The following IQSEC3 variants were observed in gnomAD, a reference collection of about 807,000 sequenced individuals.
IQSEC3 encodes IQ motif and SEC7 domain-containing protein 3.
Under a neutral mutation model 105.4 loss-of-function variants are expected in IQSEC3, and 50 were observed. That is an observed-to-expected ratio of 0.47 (90% CI 0.38 to 0.60). The LOEUF (loss-of-function observed/expected upper bound fraction) is 0.60. Ranked by LOEUF, IQSEC3 falls within the 20% of genes least tolerant of loss-of-function variation. The pLI is 0.00. For synonymous variants in IQSEC3, 708 were observed against 746.0 expected (o/e 0.95, Z 0.83); for missense variants, 1,415 against 1,630.0 (o/e 0.87, Z 2.27).
chr12:108,368 G>A (rs1555078597), intron 2 of IQSEC3, among the ~76,000 whole-genome samples: 2 of 152,354 alleles, frequency 1.3e-5, no homozygotes, highest in East Asian at 3.9e-4. Flanking sequence ...GCTTGGTTAA[G>A]AGCATGTAAT....
intron 1 of IQSEC3, among the ~76,000 whole-genome samples, chr12:82,540 G>A (rs1555070951): frequency 6.6e-6 from 1 of 152,144 alleles, no homozygotes; most frequent in African/African-American, 2.4e-5. Context: ...AACTACACAT[G>A]CTGACCGTCC....
At chr12:155,897 T>C (rs782704791) in intron 5 of IQSEC3, among the ~76,000 whole-genome samples, 14 of 151,826 alleles carry the variant, frequency 9.2e-5, no homozygotes, top group Non-Finnish European at 1.8e-4. Context: ...AAACGTCAGC[T>C]CCAAGAGCCC....
chr12:148,686 G>A (rs1866382169), intron 5 of IQSEC3: 1 of 152,170 alleles, frequency 6.6e-6, no homozygotes, highest in African/African-American at 2.4e-5. Context: ...CTGGAGGATG[G>A]GGATATTTTT....
intron 5 of IQSEC3, among the ~76,000 whole-genome samples, chr12:149,842 AG>A (rs1158777602): frequency 3.9e-5 from 6 of 152,120 alleles, no homozygotes; most frequent in African/African-American, 9.6e-5. Context: ...GCCAGGCTGC[AG>A]GGGGGGACCA....
chr12:76,144 G>A (rs1299703081), intron 1 of IQSEC3, among the ~76,000 whole-genome samples: 1 of 152,058 alleles, frequency 6.6e-6, no homozygotes, highest in African/African-American at 2.4e-5. Flanking sequence ...GGCCTCAGCA[G>A]GTGGAGTGAG....
At chr12:170,542 G>C (rs1398009716) in intron 12 of IQSEC3, among the ~76,000 whole-genome samples, 3 of 152,250 alleles carry the variant, frequency 2.0e-5, no homozygotes, top group Admixed American at 6.5e-5. Context: ...AGCTGGGAGT[G>C]ACTCAGCCAC....
At chr12:103,467 CGGGGCTCAGG>C (rs1864497603) in intron 2 of IQSEC3, among the ~76,000 whole-genome samples, 2 of 37,542 alleles carry the variant, frequency 5.3e-5, no homozygotes, top group Non-Finnish European at 1.0e-4. Flanking sequence ...GCAGGAGAGG[CGGGGCTCAGG>C]AGGGGAGGCG....
chr12:165,402 T>G, intron 9 of IQSEC3, 32 bp from the exon 10 acceptor site: 3 of 1,543,558 alleles, frequency 1.9e-6, no homozygotes, highest in Non-Finnish European at 2.7e-6. Flanking sequence ...TGTCTGTTCA[T>G]CAGGGCATGC....
chr12:156,404 G>C (rs559282693), intron 5 of IQSEC3, among the ~76,000 whole-genome samples: 1 of 151,778 alleles, frequency 6.6e-6, no homozygotes, highest in Non-Finnish European at 1.5e-5. Context: ...AGGCACATTT[G>C]TCATTTACTC....
rs1171668717 is a variant in IQSEC3, at chr12:177,727, A to C, written c.*2694A>C. On this transcript the variant is annotated 3_prime_UTR_variant, in exon 14 of 14. Coordinates refer to ENST00000538872, the MANE Select transcript of IQSEC3 (RefSeq NM_001170738.2). The surrounding 1 kb of genome is among the most constrained non-coding windows in gnomAD (Gnocchi z 5.3). Reference sequence around the variant, plus strand: ...CCTTCCCTGCTCAGTCCCCAGGCCAAGGTTGGGACCCCTCTCCATCCCTGT... The same window carrying C: ...CCTTCCCTGCTCAGTCCCCAGGCCACGGTTGGGACCCCTCTCCATCCCTGT... 1 of 152,446 alleles carries C rather than the reference A, an allele frequency of 6.6e-6. No homozygotes were observed. The highest frequency in any genetic ancestry group is 6.5e-5 in the Admixed American group (1 of 15,290). 9.4% of individuals were successfully genotyped at this position (152,446 alleles called of 1,614,324 possible). A position where few individuals can be genotyped will look rare whatever the true frequency, so the allele number is the denominator to read the frequency against.
At chr12:129,840 A>G (rs868986478) in intron 3 of IQSEC3, among the ~76,000 whole-genome samples, 2 of 151,922 alleles carry the variant, frequency 1.3e-5, no homozygotes, top group Non-Finnish European at 2.9e-5. Context: ...AGATCCCCAT[A>G]CCCCAAGCCT....
At chr12:99,092 G>A in intron 1 of IQSEC3, 54 bp from the exon 2 acceptor site, 6 of 1,519,406 alleles carry the variant, frequency 3.9e-6, no homozygotes, top group Non-Finnish European at 4.5e-6. Context: ...TGTCAGGCAG[G>A]GCGGGGACCC....
intron 9 of IQSEC3, among the ~76,000 whole-genome samples, chr12:164,995 T>C (rs1867098883): frequency 6.6e-6 from 1 of 152,208 alleles, no homozygotes; most frequent in Admixed American, 6.5e-5. Context: ...GGAAGGCATC[T>C]CTAAGGAGGT....
intron 11 of IQSEC3, 96 bp downstream of exon 11, chr12:165,986 G>A (rs1867157491): frequency 7.0e-7 from 1 of 1,429,402 alleles, no homozygotes; most frequent in African/African-American, 1.4e-5. Flanking sequence ...CAGGGAGCTG[G>A]CCCCACTTCG....
At chr12:153,795 C>T (rs534514759) in intron 5 of IQSEC3, among the ~76,000 whole-genome samples, 9 of 152,160 alleles carry the variant, frequency 5.9e-5, no homozygotes, top group Non-Finnish European at 1.2e-4. Flanking sequence ...TGCCTGGTGG[C>T]CTGTGAGTTG....
At position 157,624 on chromosome 12, in the gene IQSEC3, C is replaced by T. The variant is rs139974120; in HGVS notation, c.2373C>T (p.Thr791=). The T allele has an allele frequency of 7.9e-5, 128 of 1,614,232 alleles. No homozygotes were observed. In the African/African-American group the frequency reaches 1.4e-3, roughly 18 times the overall value. ...CCTTCGCCATCATCCTCCTCAACAC[C>T]GACATGTACAGCCCCAACATCAAGC... ...ILAFAIILLN[T]DMYSPNIKPD... The change falls in exon 7 of 14, where the codon ACC becomes ACT. Residue 791 remains threonine (T), a synonymous_variant. Coordinates refer to ENST00000538872, the MANE Select transcript of IQSEC3 (RefSeq NM_001170738.2).
intron 1 of IQSEC3, among the ~76,000 whole-genome samples, chr12:72,025 G>A (rs1430384492): frequency 6.6e-6 from 1 of 152,266 alleles, no homozygotes; most frequent in East Asian, 1.9e-4. Context: ...CAAAAATAAT[G>A]CATTTAAGAG....
rs782369455 is a variant in IQSEC3, at chr12:138,784, C to T, written c.1421C>T (p.Pro474Leu). The part of the protein sequence containing the change: ...GDDAAETPGL[P>L]PAHSGTLMMA... ...GACGCCGCGGAGACCCCCGGCCTGC[C>T]CCCGGCCCACAGCGGGACCCTCATG... Residue 474 changes from proline (P) to leucine (L), a missense_variant, in exon 4 of 14, where the codon CCC becomes CTC. By Grantham distance (98) the Pro-to-Leu change is moderately conservative. Coordinates refer to ENST00000538872, the MANE Select transcript of IQSEC3 (RefSeq NM_001170738.2). This position sits in a 1 kb window ranked among gnomAD's most constrained non-coding sequence, Gnocchi z 7.1. 6.2e-7 allele frequency: 1 copy of T among 1,601,646 alleles called. No homozygotes were observed. Among genetic ancestry groups the T allele is most frequent in the South Asian group, 1.1e-5 (1 of 90,078 alleles).
At chr12:99,310 C>T (rs1057183621) in intron 2 of IQSEC3, 96 bp downstream of exon 2, 1 of 1,109,914 alleles carries the variant, frequency 9.0e-7, no homozygotes, top group Admixed American at 2.1e-5. Flanking sequence ...GCCTCCTCCT[C>T]TTGAGTCTCA....
Sources: allele counts gnomAD v4.1 joint callset (sites outside exome capture counted in the v4.1 genomes callset), GRCh38; gene constraint gnomAD v4.1.1; non-coding constraint Gnocchi (gnomAD v3.1); transcripts MANE v1.5; gene names NCBI Gene and HGNC (gene_info 2026-07-23, HGNC 2026-07-21).